CENPE: variants seen among roughly 807,000 people sequenced by gnomAD.
CENPE encodes the protein centromere-associated protein E.
CENPE carries 145 observed loss-of-function variants against 336.1 expected under a neutral mutation model. That is an observed-to-expected ratio of 0.43 (90% CI 0.38 to 0.50). The LOEUF (loss-of-function observed/expected upper bound fraction) is 0.50, where lower values mean the gene tolerates loss of function less well. CENPE is among the 20% of genes least tolerant of loss of function. The pLI, the probability that CENPE is intolerant of heterozygous loss-of-function variation, is 0.00. For missense variants in CENPE, 2,719 were observed against 3,023.3 expected, an observed-to-expected ratio of 0.90 and a Z score of 2.36; for synonymous variants, 1,013 against 984.8, an observed-to-expected ratio of 1.03 and a Z score of -0.54.
At chr4:103,159,917 AAAG>A (rs1047136193) in intron 21 of CENPE, among the ~76,000 whole-genome samples, 19 of 151,894 alleles carry the variant, frequency 1.3e-4, no homozygotes, top group African/African-American at 4.3e-4. Flanking sequence ...GATGAGAAAA[AAAG>A]AAGAGATAAA....
At chr4:103,126,076 T>C (rs1323808581) in intron 42 of CENPE, among the ~76,000 whole-genome samples, 1 of 152,020 alleles carries the variant, frequency 6.6e-6, no homozygotes, top group Admixed American at 6.6e-5. Context: ...TAGGAAAACC[T>C]GAACTGCAAT....
chr4:103,120,882 T>C (rs543726024), intron 43 of CENPE, among the ~76,000 whole-genome samples: 2 of 152,098 alleles, frequency 1.3e-5, no homozygotes, highest in East Asian at 3.9e-4. Flanking sequence ...ACTACAGGTG[T>C]GTGCCACCAC....
chr4:103,138,251 A>G (rs887312532), intron 39 of CENPE, 100 bp downstream of exon 39: 3 of 780,110 alleles, frequency 3.8e-6, no homozygotes, highest in Admixed American at 3.8e-5. Flanking sequence ...ACTGAGCACT[A>G]TCTATTTATT....
At position 103,108,899 on chromosome 4, in the gene CENPE, A is replaced by G. The variant is rs138397432; in HGVS notation, c.7915T>C (p.Ser2639Pro). ...RNLQDPVPKE[S>P]PKSCFFDSRS... ...CTATCAAAAAAACAAGATTTTGGTG[A>G]TTCCTTTGGCACAGGATCTTGTAAA... The change falls in exon 48 of 49, where the codon TCA becomes CCA. Residue 2639 changes from serine to proline, a missense_variant. Physicochemically the swap from Ser to Pro is moderately conservative, Grantham distance 74 (BLOSUM62 -1). Transcript: ENST00000265148. 1.2e-5 allele frequency: 20 copies of G among 1,613,816 alleles called. No homozygotes were observed. Among genetic ancestry groups the G allele is most frequent in the Non-Finnish European group, 1.7e-5 (20 of 1,179,864 alleles).
rs574249670 is a variant in CENPE at position 103,163,648 on chromosome 4, G to A, written c.1648-95C>T. 4.0e-5 allele frequency: 22 copies of A among 548,102 alleles called. No homozygotes were observed. The East Asian group carries it at 6.9e-4, about 17-fold the overall frequency. 34.0% of individuals were successfully genotyped at this position (548,102 alleles called of 1,614,324 possible). On this transcript the variant is annotated intron_variant, in intron 16 of 48. Transcript: ENST00000265148. ...AAAGAAAAAGAAAAAAAAGGGCACT[G>A]GTTCACTGCTTCAGAATCACCCAAC... is the stretch of plus-strand genomic sequence containing the variant.
chr4:103,158,198 T>G, intron 24 of CENPE, 102 bp downstream of exon 24: 1 of 821,380 alleles, frequency 1.2e-6, no homozygotes, highest in Non-Finnish European at 1.8e-6. Flanking sequence ...TTATTACCAT[T>G]GTGAGTAACA....
intron 44 of CENPE, among the ~76,000 whole-genome samples, chr4:103,118,459 TAC>T (rs1485792664): frequency 6.6e-6 from 1 of 152,234 alleles, no homozygotes; most frequent in Non-Finnish European, 1.5e-5. Flanking sequence ...ATCTTTTATA[TAC>T]AGTTTCTGCC....
rs181588606 is a variant in CENPE, at chr4:103,126,433, C to T, written c.6925-3344G>A. ...CATGTGAAGGCAGGGAAATATACTC[C>T]GCCTGCCACCCACCACACACACCTT... On this transcript the variant is annotated intron_variant, in intron 42 of 48. Coordinates refer to ENST00000265148, the MANE Select transcript of CENPE (RefSeq NM_001813.3). Among the ~76,000 whole-genome samples the T allele has an allele frequency of 1.9e-3, 283 of 152,172 alleles. 1 individual carries two copies. Among genetic ancestry groups the T allele is most frequent in the African/African-American group, 6.1e-3 (254 of 41,496 alleles).
chr4:103,177,385 G>A (rs1264470563), intron 13 of CENPE, among the ~76,000 whole-genome samples: 1 of 151,830 alleles, frequency 6.6e-6, no homozygotes, highest in East Asian at 2.0e-4. Context: ...TCCTGTGCCT[G>A]CCTCTTAAGT....
chr4:103,128,133 A>G (rs1166193879), intron 42 of CENPE, among the ~76,000 whole-genome samples: 1 of 152,170 alleles, frequency 6.6e-6, no homozygotes, highest in East Asian at 1.9e-4. Context: ...TATTAATTTC[A>G]CACATAGCAG....
At chr4:103,138,545 T>C (rs1752270582) in intron 38 of CENPE, 96 bp from the exon 39 acceptor site, 1 of 787,060 alleles carries the variant, frequency 1.3e-6, no homozygotes, top group Non-Finnish European at 2.2e-6. Context: ...GACATTTCAA[T>C]AATGGAATTA....
chr4:103,149,718 A>G (rs575995506), intron 26 of CENPE, among the ~76,000 whole-genome samples: 1 of 152,192 alleles, frequency 6.6e-6, no homozygotes, highest in African/African-American at 2.4e-5. Flanking sequence ...AAGAGACATA[A>G]AAGCACATAG....
At chr4:103,114,121 G>A (rs1265912435) in intron 46 of CENPE, among the ~76,000 whole-genome samples, 1 of 152,022 alleles carries the variant, frequency 6.6e-6, no homozygotes, top group Non-Finnish European at 1.5e-5. Flanking sequence ...GAAGACATGT[G>A]TTTCGTTTTA....
chr4:103,151,079 A>ATT, intron 26 of CENPE, 140 bp downstream of exon 26: 1 of 715,330 alleles, frequency 1.4e-6, no homozygotes, highest in Non-Finnish European at 2.3e-6. Context: ...GTAAGTTAAA[A>ATT]TTGTCCAAAA....
intron 45 of CENPE, 50 bp from the exon 46 acceptor site, chr4:103,114,602 CAGG>C: frequency 8.5e-7 from 1 of 1,178,184 alleles, no homozygotes; most frequent in East Asian, 2.4e-5. Context: ...TGATTTTTTA[CAGG>C]AGAATAAACA....
At chr4:103,160,870 CA>C (rs1754386095) in intron 20 of CENPE, 91 bp from the exon 21 acceptor site, 1 of 1,178,162 alleles carries the variant, frequency 8.5e-7, no homozygotes, top group Non-Finnish European at 1.2e-6. Context: ...TTTTCAGGAT[CA>C]GGTAAAGTTT....
intron 8 of CENPE, among the ~76,000 whole-genome samples, chr4:103,191,151 G>A (rs111740257): frequency 0.01 from 1,535 of 152,250 alleles, 30 homozygotes; most frequent in African/African-American, 0.035. Context: ...GGAACAACAG[G>A]TGCTGGAGAG....
chr4:103,140,192 T>A, intron 37 of CENPE, 64 bp downstream of exon 37: 4 of 1,496,472 alleles, frequency 2.7e-6, no homozygotes, highest in Non-Finnish European at 3.6e-6. Flanking sequence ...TATCTATATC[T>A]TTTTAATTCC....
intron 44 of CENPE, among the ~76,000 whole-genome samples, chr4:103,118,260 A>C (rs1053472505): frequency 6.6e-6 from 1 of 152,156 alleles, no homozygotes; most frequent in African/African-American, 2.4e-5. Context: ...GATTTTGGCT[A>C]TTCTGGTAGG....
Sources: gnomAD v4.1 joint callset for allele counts (sites outside exome capture counted in the v4.1 genomes callset) on GRCh38, gnomAD v4.1.1 for gene constraint, MANE v1.5 for transcripts, NCBI Gene and HGNC (gene_info 2026-07-23, HGNC 2026-07-21) for gene names.